Variants in ADH7 observed in about 807,000 individuals in gnomAD.
The protein encoded by ADH7 is alcohol dehydrogenase 7 (class IV), mu or sigma polypeptide, also known as all-trans-retinol dehydrogenase [NAD(+)] ADH7.
Under a neutral mutation model 34.4 loss-of-function variants are expected in ADH7, and 41 were observed. The observed-to-expected ratio is 1.19, with a 90% CI of 0.93 to 1.55. The LOEUF is 1.55. Ranked by LOEUF, ADH7 falls within the 40% of genes most tolerant of loss-of-function variation. ADH7 has a pLI of 0.00. For missense variants in ADH7, 540 were observed against 461.2 expected, an observed-to-expected ratio of 1.17 and a Z score of -1.56; for synonymous variants, 180 against 160.9, an observed-to-expected ratio of 1.12 and a Z score of -0.90.
chr4:99,416,683 G>C (rs1721522231), intron 7 of ADH7, among the ~76,000 whole-genome samples: 1 of 151,998 alleles, frequency 6.6e-6, no homozygotes, highest in African/African-American at 2.4e-5. Context: ...CTCTGGTCTT[G>C]TGGCTTTCGA....
chr4:99,418,863 T>A (rs745835583), intron 7 of ADH7, 123 bp downstream of exon 7: 26 of 1,153,146 alleles, frequency 2.3e-5, no homozygotes, highest in Non-Finnish European at 3.2e-5. Flanking sequence ...ATGATCACAG[T>A]TCCATTTTAG....
rs1283974222 is a variant in ADH7, at chr4:99,415,630, C to A, written c.962-14G>T. 3.1e-6 allele frequency: 5 copies of A among 1,610,200 alleles called. No individual in the cohort carries two copies. The highest frequency in any genetic ancestry group is 4.2e-6 in the Non-Finnish European group (5 of 1,178,082). On this transcript the variant is annotated splice_polypyrimidine_tract_variant and intron_variant, in intron 7 of 8. Transcript: ENST00000437033. ...TGCTTTTCAAACCTGCAAATAAGCA[C>A]ACATTTTCTCTTTAGACATTACTAA...
chr4:99,418,171 T>C (rs1721562633), intron 7 of ADH7, among the ~76,000 whole-genome samples: 1 of 152,232 alleles, frequency 6.6e-6, no homozygotes, highest in East Asian at 1.9e-4. Context: ...AAAAAACTCC[T>C]CTTATAATTT....
chr4:99,419,112 G>A lies in ADH7; in HGVS notation c.835C>T (p.Leu279=), dbSNP rs1339072679. 1.9e-6 allele frequency: 3 copies of A among 1,613,540 alleles called. No homozygotes were observed. The Admixed American group carries it at 5.0e-5, about 27-fold the overall frequency. Residue 279 remains leucine, a synonymous_variant, in exon 7 of 9, where the codon CTG becomes TTG. Transcript: ENST00000437033. ...IGHLETMIDA[L]ASCHMNYGTS... ...CCATAGTTCATGTGGCAGGATGCCA[G>A]GGCATCAATCTGAGTTTAAAACGGA... is the stretch of plus-strand genomic sequence containing the variant.
chr4:99,418,248 C>T (rs550924479), intron 7 of ADH7, among the ~76,000 whole-genome samples: 9 of 152,162 alleles, frequency 5.9e-5, no homozygotes, highest in East Asian at 1.9e-4. Flanking sequence ...TTGTATCCTT[C>T]GCTACATTAT....
intron 5 of ADH7, among the ~76,000 whole-genome samples, chr4:99,425,079 C>T (rs968923802): frequency 1.3e-5 from 2 of 152,048 alleles, no homozygotes; most frequent in African/African-American, 2.4e-5. Context: ...TAGAAAGGAA[C>T]AACCGGTACC....
chr4:99,434,643 G>A (rs747797531), intron 1 of ADH7, among the ~76,000 whole-genome samples: 2 of 151,922 alleles, frequency 1.3e-5, no homozygotes, highest in East Asian at 1.9e-4. Flanking sequence ...TTTTTAGAAC[G>A]ATAAACATAC....
chr4:99,425,652 G>A (rs1194748843), intron 5 of ADH7, among the ~76,000 whole-genome samples: 30 of 152,062 alleles, frequency 2.0e-4, no homozygotes, highest in Non-Finnish European at 1.5e-4. Flanking sequence ...ACAGATCAAC[G>A]AGACAGAAAG....
chr4:99,420,480 G>A lies in ADH7; in HGVS notation c.825+53C>T, dbSNP rs1001352799. The stretch of plus-strand genomic sequence containing the variant: ...AGTTATAGACAATTAAATTTACCTT[G>A]TGCATGTCTAATAACTTGGGTATTT... On this transcript the variant is annotated intron_variant, in intron 6 of 8. Transcript: ENST00000437033. 2.3e-5 allele frequency: 35 copies of A among 1,545,212 alleles called. No individual in the cohort carries two copies. In the East Asian group the frequency reaches 6.3e-4, roughly 28 times the overall value.
At chr4:99,426,530 T>C (rs1721809223) in intron 5 of ADH7, among the ~76,000 whole-genome samples, 1 of 152,194 alleles carries the variant, frequency 6.6e-6, no homozygotes, top group South Asian at 2.1e-4. Context: ...AATCTCTGAA[T>C]AGACCAATAA....
chr4:99,417,450 C>T (rs12499297), intron 7 of ADH7, among the ~76,000 whole-genome samples: 7,750 of 152,114 alleles, frequency 0.051, 360 homozygotes, highest in East Asian at 0.12. Flanking sequence ...TATGTTTTTG[C>T]TCCAATGTTA....
intron 2 of ADH7, among the ~76,000 whole-genome samples, chr4:99,429,121 A>G (rs1052502823): frequency 6.6e-6 from 1 of 152,198 alleles, no homozygotes. Context: ...GCTCTGTCCA[A>G]AGAAAGGGAG....
chr4:99,428,521 A>G lies in ADH7; in HGVS notation c.230T>C (p.Ile77Thr), dbSNP rs760034103. Reference sequence around the variant, plus strand: ...TTTCACTGTAGTCACTCCTTCTCCAATGCTCTCTACAATCCCAGTTGCCTC... The same window carrying G: ...TTTCACTGTAGTCACTCCTTCTCCAGTGCTCTCTACAATCCCAGTTGCCTC... ...GHEATGIVES[I>T]GEGVTTVKPG... is the part of the protein sequence containing the mutation. The change falls in exon 3 of 9, where the codon ATT becomes ACT. Residue 77 changes from isoleucine to threonine, a missense_variant. Physicochemically the swap from Ile to Thr is moderately conservative, Grantham distance 89 (BLOSUM62 -1). Coordinates refer to ENST00000437033, the MANE Select transcript of ADH7 (RefSeq NM_000673.7). 8 of 1,613,548 alleles carry G rather than the reference A, an allele frequency of 5.0e-6. No individual in the cohort carries two copies. Among genetic ancestry groups the G allele is most frequent in the Middle Eastern group, 1.6e-4 (1 of 6,082 alleles).
chr4:99,430,497 T>G (rs1721916412), intron 1 of ADH7, among the ~76,000 whole-genome samples: 1 of 152,222 alleles, frequency 6.6e-6, no homozygotes, highest in Non-Finnish European at 1.5e-5. Context: ...CTATAAAATA[T>G]TTTAATTAAT....
rs770098103 is a variant in ADH7, at chr4:99,427,773, C to T, written c.564G>A (p.Lys188=). 4.8e-5 allele frequency: 73 copies of T among 1,523,316 alleles called. No individual in the cohort carries two copies. The highest frequency in any genetic ancestry group is 1.8e-4 in the Middle Eastern group (1 of 5,680). 94.4% of individuals were successfully genotyped at this position (1,523,316 alleles called of 1,614,324 possible). A position where few individuals can be genotyped will look rare whatever the true frequency, so the allele number is the denominator to read the frequency against. ...TGYGAAVKTG[K]VKPGSTCVVF... ...TAAACTAGCCTACCCTGTTTCTTAC[C>T]TTGCCAGTTTTAACAGCAGCGCCAT... The change falls in exon 5 of 9, where the codon AAG becomes AAA. Residue 188 remains lysine, a splice_region_variant and synonymous_variant. Coordinates refer to ENST00000437033, the MANE Select transcript of ADH7 (RefSeq NM_000673.7).
At chr4:99,418,551 GTT>G (rs1370795491) in intron 7 of ADH7, among the ~76,000 whole-genome samples, 1 of 152,164 alleles carries the variant, frequency 6.6e-6, no homozygotes, top group Non-Finnish European at 1.5e-5. Flanking sequence ...AATCTGAACT[GTT>G]CCCATAAAAT....
chr4:99,426,266 A>C (rs1332686406), intron 5 of ADH7, among the ~76,000 whole-genome samples: 2 of 152,268 alleles, frequency 1.3e-5, no homozygotes, highest in Admixed American at 6.5e-5. Flanking sequence ...TTAATGAATC[A>C]TGGAGCTGGT....
At chr4:99,428,236 A>G in intron 3 of ADH7, 62 bp from the exon 4 acceptor site, 1 of 1,470,760 alleles carries the variant, frequency 6.8e-7, no homozygotes, top group Non-Finnish European at 9.5e-7. Flanking sequence ...GAAATTAACA[A>G]ATGTGAATTG....
At chr4:99,419,234 T>A in intron 6 of ADH7, 113 bp from the exon 7 acceptor site, 1 of 1,304,954 alleles carries the variant, frequency 7.7e-7, no homozygotes, top group Non-Finnish European at 1.0e-6. Flanking sequence ...TAAGCCACCT[T>A]GTTTTTTACT....
Sources: gnomAD v4.1 joint callset for allele counts (sites outside exome capture counted in the v4.1 genomes callset) on GRCh38, gnomAD v4.1.1 for gene constraint, MANE v1.5 for transcripts, NCBI Gene and HGNC (gene_info 2026-07-23, HGNC 2026-07-21) for gene names.